The following ZNF148 variants were observed in gnomAD, a reference collection of about 807,000 sequenced individuals.
ZNF148 encodes zinc finger protein 148.
Under a neutral mutation model 67.7 loss-of-function variants are expected in ZNF148, and 7 were observed. That is an observed-to-expected ratio of 0.10 (90% CI 0.06 to 0.19). The LOEUF is 0.19. Ranked by LOEUF, ZNF148 falls within the 10% of genes least tolerant of loss-of-function variation. The probability of loss-of-function intolerance (pLI) is 1.00; values close to 1 mark genes in which losing one functional copy is unlikely to be tolerated. For synonymous variants in ZNF148, 333 were observed against 330.7 expected, an observed-to-expected ratio of 1.01 and a Z score of -0.08; for missense variants, 583 against 947.1, an observed-to-expected ratio of 0.62 and a Z score of 5.05.
chr3:125,255,236 C>CCTT (rs1937018699), intron 7 of ZNF148, among the ~76,000 whole-genome samples: 1 of 62,136 alleles, frequency 1.6e-5, no homozygotes, highest in African/African-American at 7.0e-5. Context: ...TCTCCACCTG[C>CCTT]TTTTTTTTTT....
chr3:125,313,287 T>C, intron 4 of ZNF148, 21 bp downstream of exon 4: 1 of 1,563,270 alleles, frequency 6.4e-7, no homozygotes, highest in Non-Finnish European at 8.7e-7. Flanking sequence ...AAGTTTAATA[T>C]CTTATAAAGG....
Position 125,232,284 on chromosome 3 carries a change from C to A in ZNF148, c.*57G>T. On this transcript the variant is annotated 3_prime_UTR_variant, in exon 9 of 9. Transcript: ENST00000360647. This position sits in a 1 kb window ranked among gnomAD's most constrained non-coding sequence, Gnocchi z 4.2. ...AGCACTCCATTTACACAGAGTAACCCCACTCTTGATTAATCTGTTCTAAAG... is the reference window on the plus strand; with the variant it reads ...AGCACTCCATTTACACAGAGTAACCACACTCTTGATTAATCTGTTCTAAAG... The A allele has an allele frequency of 6.6e-7, 1 of 1,521,612 alleles. No homozygotes were observed. Among genetic ancestry groups the A allele is most frequent in the South Asian group, 1.3e-5 (1 of 77,656 alleles). The allele number at this position is 1,521,612 out of a possible 1,614,324, so 94.3% of individuals were successfully genotyped here.
chr3:125,326,863 T>TAG (rs753828625), intron 2 of ZNF148, among the ~76,000 whole-genome samples: 2 of 147,602 alleles, frequency 1.4e-5, no homozygotes, highest in Non-Finnish European at 3.0e-5. Flanking sequence ...TATATAAAGA[T>TAG]ATATATATAT....
intron 5 of ZNF148, 125 bp downstream of exon 5, chr3:125,287,978 C>T (rs1938792035): frequency 3.0e-6 from 4 of 1,343,822 alleles, no homozygotes; most frequent in African/African-American, 1.5e-5. Flanking sequence ...AGGCACGCAC[C>T]CCCTCCTACT....
chr3:125,250,665 G>A (rs1362964907), intron 7 of ZNF148, among the ~76,000 whole-genome samples: 1 of 152,210 alleles, frequency 6.6e-6, no homozygotes, highest in Non-Finnish European at 1.5e-5. Flanking sequence ...GTAGATGACA[G>A]CAGTTGGAAT....
chr3:125,326,244 A>G (rs1318732327), intron 2 of ZNF148, among the ~76,000 whole-genome samples: 3 of 152,162 alleles, frequency 2.0e-5, no homozygotes, highest in Non-Finnish European at 2.9e-5. Context: ...TAATTCAAAA[A>G]ACACTCCATA....
chr3:125,323,307 A>G lies in ZNF148; in HGVS notation c.-17+2T>C, dbSNP rs1024032136. 1.8e-5 allele frequency: 11 copies of G among 621,912 alleles called. No homozygotes were observed. In the African/African-American group the frequency reaches 1.9e-4, roughly 10 times the overall value. 38.5% of individuals were successfully genotyped at this position (621,912 alleles called of 1,614,324 possible). On this transcript the variant is annotated splice_donor_variant, in intron 3 of 8. Transcript: ENST00000360647. LOFTEE classifies it low-confidence loss of function (5UTR_SPLICE). The stretch of plus-strand genomic sequence containing the variant: ...ATTATGAAAAATAAGTATTAAAATT[A>G]CCCGAGACTAAGGTAAAAACGAAGA...
At chr3:125,362,125 T>G (rs1356105886) in intron 1 of ZNF148, among the ~76,000 whole-genome samples, 1 of 152,238 alleles carries the variant, frequency 6.6e-6, no homozygotes, top group Non-Finnish European at 1.5e-5. Context: ...CAGAAAGCTA[T>G]GAAATCTTCC....
At chr3:125,285,872 A>G (rs1010060509) in intron 5 of ZNF148, among the ~76,000 whole-genome samples, 1 of 152,204 alleles carries the variant, frequency 6.6e-6, no homozygotes, top group African/African-American at 2.4e-5. Flanking sequence ...ACCTTTAGAA[A>G]TATTCTAAAA....
intron 7 of ZNF148, among the ~76,000 whole-genome samples, chr3:125,258,234 A>T (rs568391586): frequency 1.2e-4 from 18 of 151,944 alleles, no homozygotes; most frequent in Non-Finnish European, 2.5e-4. Context: ...CATCCTGGCT[A>T]ACACGGTGAA....
intron 3 of ZNF148, among the ~76,000 whole-genome samples, chr3:125,322,985 T>C (rs1201409541): frequency 6.6e-6 from 1 of 152,222 alleles, no homozygotes; most frequent in Non-Finnish European, 1.5e-5. Context: ...TCTGGGAAAC[T>C]TAATGAGTGT....
At chr3:125,344,380 G>GA in intron 1 of ZNF148, 1 of 632,658 alleles carries the variant, frequency 1.6e-6, no homozygotes, top group Non-Finnish European at 2.9e-6. Flanking sequence ...ACTGAATGTG[G>GA]AAAAAATGAC....
chr3:125,256,357 G>A (rs1201092867), intron 7 of ZNF148, among the ~76,000 whole-genome samples: 3 of 121,806 alleles, frequency 2.5e-5, no homozygotes, highest in Admixed American at 1.8e-4. Context: ...CAAAGAGCGA[G>A]ACTCCATTTC....
At chr3:125,240,493 C>G (rs11914990) in intron 7 of ZNF148, among the ~76,000 whole-genome samples, 117,290 of 152,170 alleles carry the variant, frequency 0.77, 45,755 homozygotes, top group African/African-American at 0.85. Flanking sequence ...ACCAGGTGTG[C>G]TGCCTCAAGC....
chr3:125,250,552 T>A (rs1936794607), intron 7 of ZNF148, among the ~76,000 whole-genome samples: 1 of 152,216 alleles, frequency 6.6e-6, no homozygotes, highest in African/African-American at 2.4e-5. Flanking sequence ...CAATATTTTC[T>A]ATAGTTAAAA....
intron 7 of ZNF148, among the ~76,000 whole-genome samples, chr3:125,248,427 G>A (rs1936698006): frequency 6.6e-6 from 1 of 152,060 alleles, no homozygotes. Context: ...TCTATGTTGA[G>A]TCCCCTTAAA....
At chr3:125,367,226 C>T (rs1942730219) in intron 1 of ZNF148, among the ~76,000 whole-genome samples, 1 of 152,190 alleles carries the variant, frequency 6.6e-6, no homozygotes, top group Non-Finnish European at 1.5e-5. Flanking sequence ...CTTCAAATAG[C>T]CTTACCATCT....
At chr3:125,279,976 G>GT (rs776949407) in intron 5 of ZNF148, among the ~76,000 whole-genome samples, 3 of 151,648 alleles carry the variant, frequency 2.0e-5, no homozygotes, top group Non-Finnish European at 4.4e-5. Flanking sequence ...TTTGAACCAT[G>GT]TAAGTGGTTA....
At position 125,233,049 on chromosome 3, in the gene ZNF148, G is replaced by A; in HGVS notation, c.1677C>T (p.Ser559=). The change falls in exon 9 of 9, where the codon TCC becomes TCT. Residue 559 remains serine (S), a synonymous_variant. Coordinates refer to ENST00000360647, the MANE Select transcript of ZNF148 (RefSeq NM_021964.3). This position sits in a 1 kb window ranked among gnomAD's most constrained non-coding sequence, Gnocchi z 5.1. ...SHKANGQHEI[S]FSVADTEVTS... Reference sequence around the variant, plus strand: ...TCACTTCAGTATCTGCAACACTGAAGGATATCTCATGCTGTCCATTAGCTT... The same window carrying A: ...TCACTTCAGTATCTGCAACACTGAAAGATATCTCATGCTGTCCATTAGCTT... 6.2e-7 allele frequency: 1 copy of A among 1,613,434 alleles called. No homozygotes were observed. Among genetic ancestry groups the A allele is most frequent in the Non-Finnish European group, 8.5e-7 (1 of 1,179,852 alleles).
Sources: allele counts gnomAD v4.1 joint callset (sites outside exome capture counted in the v4.1 genomes callset), GRCh38; gene constraint gnomAD v4.1.1; non-coding constraint Gnocchi (gnomAD v3.1); transcripts MANE v1.5; gene names NCBI Gene and HGNC (gene_info 2026-07-23, HGNC 2026-07-21).